The following GRIN2A variants were observed in gnomAD, a reference collection of about 807,000 sequenced individuals.
GRIN2A encodes the protein glutamate receptor ionotropic, NMDA 2A.
GRIN2A carries 22 observed loss-of-function variants against 113.4 expected under a neutral mutation model. The observed-to-expected ratio is 0.19, with a 90% CI of 0.14 to 0.28. The LOEUF is 0.28. Among genes scored for constraint, GRIN2A ranks in the 10% least tolerant of loss-of-function variants. The pLI is 1.00. For missense variants in GRIN2A, 1,502 were observed against 1,887.0 expected (o/e 0.80, Z 3.78); for synonymous variants, 827 against 738.4 (o/e 1.12, Z -1.94).
chr16:10,135,928 C>T (rs968315934), intron 2 of GRIN2A, among the ~76,000 whole-genome samples: 24 of 152,174 alleles, frequency 1.6e-4, no homozygotes, highest in African/African-American at 5.6e-4. Context: ...GTAGCCCCAT[C>T]CAAGTTGACA....
chr16:9,844,700 T>G (rs1011843126), intron 5 of GRIN2A, among the ~76,000 whole-genome samples: 1 of 152,232 alleles, frequency 6.6e-6, no homozygotes, highest in African/African-American at 2.4e-5. Flanking sequence ...GGTTGGCTCC[T>G]GTCCACCACG....
At chr16:9,772,019 A>C (rs1330901716) in intron 11 of GRIN2A, among the ~76,000 whole-genome samples, 1 of 152,186 alleles carries the variant, frequency 6.6e-6, no homozygotes, top group African/African-American at 2.4e-5. Context: ...AAAAAAGCAT[A>C]CATGTTAATG....
Position 9,821,605 on chromosome 16 carries a change from C to T in GRIN2A, c.2168+659G>A, listed in dbSNP as rs138012922. ...CAAAAGGCTTTCCATCAGATTTTCT[C>T]TCTTAGGTCCTATTATTATTCCCAT... is the stretch of plus-strand genomic sequence containing the variant. On this transcript the variant is annotated intron_variant, in intron 10 of 12. Transcript: ENST00000330684. Among the ~76,000 whole-genome samples the T allele has an allele frequency of 2.6e-5, 4 of 152,318 alleles. No homozygotes were observed. In the East Asian group the frequency reaches 7.7e-4, roughly 29 times the overall value.
intron 2 of GRIN2A, among the ~76,000 whole-genome samples, chr16:10,030,368 C>T (rs1192553711): frequency 1.3e-5 from 2 of 152,128 alleles, no homozygotes; most frequent in East Asian, 3.9e-4. Flanking sequence ...AGCATGTGCA[C>T]AGGTGAGACA....
At chr16:10,096,573 C>CACACACACACACACA (rs1555478915) in intron 2 of GRIN2A, among the ~76,000 whole-genome samples, 41 of 149,366 alleles carry the variant, frequency 2.7e-4, no homozygotes, top group African/African-American at 1.0e-3. Flanking sequence ...CACACACACA[C>CACACACACACACACA]TTTACTCTCT....
At chr16:9,832,694 T>C (rs1465392946) in intron 8 of GRIN2A, among the ~76,000 whole-genome samples, 1 of 152,216 alleles carries the variant, frequency 6.6e-6, no homozygotes, top group Non-Finnish European at 1.5e-5. Context: ...AAGGAACTAC[T>C]GTATCACAGT....
At chr16:10,141,757 G>A (rs2049330683) in intron 2 of GRIN2A, among the ~76,000 whole-genome samples, 1 of 152,168 alleles carries the variant, frequency 6.6e-6, no homozygotes, top group Non-Finnish European at 1.5e-5. Context: ...CATCCTCAGG[G>A]CACCTCTGTG....
chr16:9,928,318 T>C (rs1225743373), intron 3 of GRIN2A, among the ~76,000 whole-genome samples: 1 of 152,166 alleles, frequency 6.6e-6, no homozygotes, highest in East Asian at 1.9e-4. Flanking sequence ...GCTTTTGGCC[T>C]ATATATAGAT....
At chr16:9,930,795 T>G (rs1359513788) in intron 3 of GRIN2A, among the ~76,000 whole-genome samples, 2 of 152,222 alleles carry the variant, frequency 1.3e-5, no homozygotes, top group Non-Finnish European at 2.9e-5. Flanking sequence ...TAGCACAGTC[T>G]CTTAATGGGT....
chr16:9,769,142 G>C, intron 11 of GRIN2A, 53 bp from the exon 12 acceptor site: 2 of 1,365,474 alleles, frequency 1.5e-6, no homozygotes, highest in South Asian at 1.2e-5. Flanking sequence ...TGCACTTTGG[G>C]GCAGACGCTT....
At chr16:10,075,449 G>A (rs1408248855) in intron 2 of GRIN2A, among the ~76,000 whole-genome samples, 1 of 152,096 alleles carries the variant, frequency 6.6e-6, no homozygotes, top group Non-Finnish European at 1.5e-5. Flanking sequence ...CAGCGGGGCG[G>A]AATGGAGAGT....
intron 7 of GRIN2A, among the ~76,000 whole-genome samples, chr16:9,839,078 T>TC (rs1228085652): frequency 2.0e-5 from 3 of 152,182 alleles, no homozygotes; most frequent in African/African-American, 7.2e-5. Flanking sequence ...TACATATTTT[T>TC]CCCCTCTCAG....
At position 9,891,092 on chromosome 16, in the gene GRIN2A, A is replaced by C. The variant is rs2043686384; in HGVS notation, c.1016T>G (p.Val339Gly). ...GTCTTTGCCATCCCATGTAACATTGACCATAAATCTAGAAAGGGGAAGAGA... is the reference window on the plus strand; with the variant it reads ...GTCTTTGCCATCCCATGTAACATTGCCCATAAATCTAGAAAGGGGAAGAGA... ...VPMHTLHPFM[V>G]NVTWDGKDLS... Residue 339 changes from valine to glycine, a missense_variant, in exon 4 of 13, where the codon GTC (valine) becomes GGC (glycine). By Grantham distance (109) the Val-to-Gly change is moderately radical. This residue lies in a region of GRIN2A where 334 missense variants were observed against 403.0 expected (regional missense o/e 0.83). Coordinates refer to ENST00000330684, the MANE Select transcript of GRIN2A (RefSeq NM_001134407.3). The C allele has an allele frequency of 6.2e-7, 1 of 1,603,098 alleles. No homozygotes were observed. The highest frequency in any genetic ancestry group is 8.5e-7 in the Non-Finnish European group (1 of 1,170,036).
chr16:10,079,583 A>G (rs1213912661), intron 2 of GRIN2A, among the ~76,000 whole-genome samples: 1 of 152,256 alleles, frequency 6.6e-6, no homozygotes, highest in Non-Finnish European at 1.5e-5. Flanking sequence ...AAGAGGCTCC[A>G]GAGAGATCAA....
intron 2 of GRIN2A, among the ~76,000 whole-genome samples, chr16:9,954,776 C>T (rs2045267347): frequency 6.6e-6 from 1 of 152,184 alleles, no homozygotes; most frequent in South Asian, 2.1e-4. Flanking sequence ...CTACCCGGCA[C>T]TCAAGTCCTC....
At chr16:10,009,903 G>T (rs1386217507) in intron 2 of GRIN2A, among the ~76,000 whole-genome samples, 1 of 152,228 alleles carries the variant, frequency 6.6e-6, no homozygotes, top group Non-Finnish European at 1.5e-5. Flanking sequence ...ATGAACAAGA[G>T]GCAGAGACAG....
At chr16:9,996,628 A>G (rs2046228913) in intron 2 of GRIN2A, among the ~76,000 whole-genome samples, 1 of 152,198 alleles carries the variant, frequency 6.6e-6, no homozygotes, top group African/African-American at 2.4e-5. Flanking sequence ...TTCCCTTGTC[A>G]GGATTTATAA....
intron 2 of GRIN2A, among the ~76,000 whole-genome samples, chr16:10,016,118 A>C (rs2046605897): frequency 1.2e-4 from 1 of 8,378 alleles, no homozygotes. Flanking sequence ...CTCCATCTCA[A>C]AAAAAAAAAA....
chr16:10,174,057 G>A (rs778818203), intron 2 of GRIN2A, among the ~76,000 whole-genome samples: 3 of 152,206 alleles, frequency 2.0e-5, no homozygotes, highest in Non-Finnish European at 4.4e-5. Flanking sequence ...GGACTCTAGG[G>A]TTTCAAGTAG....
Sources: allele counts gnomAD v4.1 joint callset (sites outside exome capture counted in the v4.1 genomes callset), GRCh38; gene constraint gnomAD v4.1.1; regional missense constraint gnomAD v4.1.1; transcripts MANE v1.5; gene names NCBI Gene and HGNC (gene_info 2026-07-23, HGNC 2026-07-21).